The following SFMBT2 variants were observed in gnomAD, a reference collection of about 807,000 sequenced individuals.
The protein encoded by SFMBT2 is Scm like with four mbt domains 2.
SFMBT2 carries 38 observed loss-of-function variants against 110.1 expected under a neutral mutation model. The ratio of observed to expected loss-of-function variants is 0.35; its 90% CI spans 0.27 to 0.45. The LOEUF (loss-of-function observed/expected upper bound fraction) is 0.45. Among genes scored for constraint, SFMBT2 ranks in the 20% least tolerant of loss-of-function variants. The probability of loss-of-function intolerance (pLI) is 1.00; values close to 1 mark genes in which losing one functional copy is unlikely to be tolerated. For missense variants in SFMBT2, 1,011 were observed against 1,094.9 expected, an observed-to-expected ratio of 0.92 and a Z score of 1.08; for synonymous variants, 425 against 425.4, an observed-to-expected ratio of 1.00 and a Z score of 0.01.
At chr10:7,262,826 T>C (rs948548166) in intron 7 of SFMBT2, among the ~76,000 whole-genome samples, 2 of 152,188 alleles carry the variant, frequency 1.3e-5, no homozygotes, top group Non-Finnish European at 2.9e-5. Context: ...TCATAAAAAC[T>C]AGATGGCCCC....
intron 12 of SFMBT2, chr10:7,204,520 ATTTATTAGG>A (rs1005042103): frequency 6.3e-4 from 15 of 23,872 alleles, no homozygotes; most frequent in Non-Finnish European, 8.8e-4. Context: ...AAACGCAATG[ATTTATTAGG>A]TTAGAAGATT....
intron 2 of SFMBT2, among the ~76,000 whole-genome samples, chr10:7,377,366 T>A (rs1193430607): frequency 6.6e-6 from 1 of 152,146 alleles, no homozygotes; most frequent in Non-Finnish European, 1.5e-5. Flanking sequence ...AGGCACCGGT[T>A]TTGTAGAAGA....
intron 20 of SFMBT2, among the ~76,000 whole-genome samples, chr10:7,168,203 G>A (rs1321990977): frequency 2.6e-5 from 4 of 152,154 alleles, no homozygotes; most frequent in Non-Finnish European, 5.9e-5. Context: ...TATAAGAAAG[G>A]AAGACTCAAT....
intron 11 of SFMBT2, among the ~76,000 whole-genome samples, chr10:7,207,293 G>A (rs182406172): frequency 2.7e-4 from 41 of 151,942 alleles, no homozygotes; most frequent in Non-Finnish European, 5.4e-4. Context: ...CTGGGAGGTC[G>A]AGGTTGCAGT....
chr10:7,360,811 T>C (rs2132035623), intron 4 of SFMBT2, among the ~76,000 whole-genome samples: 1 of 152,292 alleles, frequency 6.6e-6, no homozygotes, highest in Admixed American at 6.5e-5. Flanking sequence ...CAGATAGAAT[T>C]CAAAACCATG....
Position 7,408,054 on chromosome 10 carries a change from C to T in SFMBT2, c.-52+2807G>A, listed in dbSNP as rs1259232409. ...TTTGTAATCAACTGTACATCCGCTTCCACGGCACGGCCTCGTGCAAAATCG... is the reference window on the plus strand; with the variant it reads ...TTTGTAATCAACTGTACATCCGCTTTCACGGCACGGCCTCGTGCAAAATCG... On this transcript the variant is annotated intron_variant, in intron 1 of 20. Transcript: ENST00000397167. This position sits in a 1 kb window ranked among gnomAD's most constrained non-coding sequence, Gnocchi z 5.7. Among the ~76,000 whole-genome samples the T allele has an allele frequency of 6.6e-6, 1 of 152,272 alleles. No individual in the cohort carries two copies.
At position 7,162,684 on chromosome 10, in the gene SFMBT2, C is replaced by G. The variant is rs1837580168; in HGVS notation, c.*1086G>C. On this transcript the variant is annotated 3_prime_UTR_variant, in exon 21 of 21. Transcript: ENST00000397167. ...GCTTTTCCTTTGATATATAATCCAA[C>G]ATTTGCCTAAAAGACTCACTCCCTG... 6.6e-6 allele frequency: 1 copy of G among 152,252 alleles called. No homozygotes were observed. The highest frequency in any genetic ancestry group is 1.5e-5 in the Non-Finnish European group (1 of 68,080). 9.4% of individuals were successfully genotyped at this position (152,252 alleles called of 1,614,324 possible).
At chr10:7,334,828 C>T (rs1414612249) in intron 4 of SFMBT2, among the ~76,000 whole-genome samples, 6 of 152,162 alleles carry the variant, frequency 3.9e-5, no homozygotes, top group African/African-American at 1.4e-4. Flanking sequence ...GAGCTGAGGC[C>T]TGCACTGCAT....
In SFMBT2 at chr10:7,243,722, G is replaced by A. The variant is rs780060322; in HGVS notation, c.973-17C>T. ...GTTAAAAACCTAAAAGAAAAAAAATGGGGGAGCCAAAGGTTAATTCTTTAG... is the reference window on the plus strand; with the variant it reads ...GTTAAAAACCTAAAAGAAAAAAAATAGGGGAGCCAAAGGTTAATTCTTTAG... On this transcript the variant is annotated splice_polypyrimidine_tract_variant and intron_variant, in intron 8 of 20. Coordinates refer to ENST00000397167, the MANE Select transcript of SFMBT2 (RefSeq NM_001387889.1). 2.3e-6 allele frequency: 2 copies of A among 866,128 alleles called. No individual in the cohort carries two copies. The highest frequency in any genetic ancestry group is 1.3e-5 in the South Asian group (1 of 76,216). 53.7% of individuals were successfully genotyped at this position (866,128 alleles called of 1,614,324 possible).
In SFMBT2 at chr10:7,192,816, G is replaced by A. The variant is rs113571712; in HGVS notation, c.1699-4083C>T. ...AGTGGGGCGTCTCTGACTCAGGGCC[G>A]GGGGTCCGGGGCACACCGCATTCTG... On this transcript the variant is annotated intron_variant, in intron 15 of 20. Transcript: ENST00000397167. 2.8e-3 allele frequency among the ~76,000 whole-genome samples: 423 copies of A among 152,266 alleles called. 2 individuals are homozygous for A. The highest frequency in any genetic ancestry group is 9.6e-3 in the African/African-American group (399 of 41,542).
chr10:7,328,026 T>C (rs1223882516), intron 4 of SFMBT2, among the ~76,000 whole-genome samples: 3 of 152,214 alleles, frequency 2.0e-5, no homozygotes, highest in Non-Finnish European at 4.4e-5. Context: ...ATGTTTAAAG[T>C]TGTAAGAACT....
intron 4 of SFMBT2, among the ~76,000 whole-genome samples, chr10:7,331,871 G>A (rs148757746): frequency 3.4e-4 from 52 of 152,092 alleles, no homozygotes; most frequent in Admixed American, 7.2e-4. Context: ...TTAGCCGGGC[G>A]TGGTGGTGCG....
chr10:7,206,065 A>C, intron 11 of SFMBT2, 137 bp from the exon 12 acceptor site: 1 of 1,394,304 alleles, frequency 7.2e-7, no homozygotes, highest in Non-Finnish European at 9.3e-7. Context: ...CAAAAACAAA[A>C]TAGCCATATG....
In SFMBT2 at chr10:7,358,685, TG is replaced by T. The variant is rs1844607836; in HGVS notation, c.436+8963del. Among the ~76,000 whole-genome samples, 3 of 149,590 alleles carry T rather than the reference TG, an allele frequency of 2.0e-5. No homozygotes were observed. The South Asian group carries it at 6.4e-4, about 32-fold the overall frequency. ...TGGCGCTAGAACATCTACTTGGCCC[TG>T]GAATGGAGGCATGGTGGCTCTGGAA... On this transcript the variant is annotated intron_variant, in intron 4 of 20. Coordinates refer to ENST00000397167, the MANE Select transcript of SFMBT2 (RefSeq NM_001387889.1).
intron 4 of SFMBT2, among the ~76,000 whole-genome samples, chr10:7,357,147 T>G (rs1844545425): frequency 6.6e-6 from 1 of 152,122 alleles, no homozygotes; most frequent in Non-Finnish European, 1.5e-5. Context: ...ATGTTCTGCC[T>G]CTCCAGAAGG....
intron 7 of SFMBT2, among the ~76,000 whole-genome samples, chr10:7,256,626 A>G (rs10795537): frequency 0.53 from 79,955 of 152,106 alleles, 22,199 homozygotes; most frequent in East Asian, 0.84. Context: ...AAATGTCCAC[A>G]GTGCTTCATC....
chr10:7,383,815 T>C (rs1445002205), intron 1 of SFMBT2, among the ~76,000 whole-genome samples: 1 of 152,104 alleles, frequency 6.6e-6, no homozygotes, highest in Non-Finnish European at 1.5e-5. Context: ...TCAACATCAG[T>C]GATACAAGTA....
intron 9 of SFMBT2, among the ~76,000 whole-genome samples, chr10:7,242,192 G>A (rs558001436): frequency 1.1e-4 from 17 of 152,312 alleles, no homozygotes; most frequent in African/African-American, 3.8e-4. Context: ...CCATATTAAA[G>A]GGATGAGAAT....
chr10:7,220,102 T>C (rs537237202), intron 11 of SFMBT2, among the ~76,000 whole-genome samples: 132 of 152,348 alleles, frequency 8.7e-4, no homozygotes, highest in Non-Finnish European at 1.6e-3. Flanking sequence ...GAATCTCAGT[T>C]TTAGTGACTC....
Sources: gnomAD v4.1 joint callset for allele counts (sites outside exome capture counted in the v4.1 genomes callset) on GRCh38, gnomAD v4.1.1 for gene constraint, Gnocchi (gnomAD v3.1) non-coding constraint, MANE v1.5 for transcripts, NCBI Gene and HGNC (gene_info 2026-07-23, HGNC 2026-07-21) for gene names.